The following SLC12A9 variants were observed in gnomAD, a reference collection of about 807,000 sequenced individuals.
The protein encoded by SLC12A9 is CCC-interacting protein 1.
Under a neutral mutation model 66.0 loss-of-function variants are expected in SLC12A9, and 55 were observed. The observed-to-expected ratio is 0.83, with a 90% CI of 0.67 to 1.04. SLC12A9 has a LOEUF of 1.04. Ranked by LOEUF, SLC12A9 falls within the 50% of genes least tolerant of loss-of-function variation. The pLI is 0.00. For missense variants in SLC12A9, 1,061 were observed against 1,241.9 expected (o/e 0.85, Z 2.19); for synonymous variants, 577 against 569.0 (o/e 1.01, Z -0.20).
intron 1 of SLC12A9, among the ~76,000 whole-genome samples, chr7:100,829,289 G>A (rs1813495961): frequency 1.3e-5 from 2 of 152,050 alleles, no homozygotes; most frequent in African/African-American, 2.4e-5. Flanking sequence ...CGCCCAGCCG[G>A]AGGACAGAAT....
intron 1 of SLC12A9, among the ~76,000 whole-genome samples, chr7:100,829,024 A>G (rs981977235): frequency 5.4e-5 from 8 of 147,142 alleles, no homozygotes; most frequent in African/African-American, 7.6e-5. Flanking sequence ...GTCTCCCTCT[A>G]TTTCCCAGGC....
At chr7:100,865,239 T>C (rs1267048447) in intron 13 of SLC12A9, 1 of 1,535,348 alleles carries the variant, frequency 6.5e-7, no homozygotes, top group Non-Finnish European at 8.7e-7. Flanking sequence ...ATTACAGGTG[T>C]GAGCCACGGT....
intron 3 of SLC12A9, 22 bp downstream of exon 3, chr7:100,854,776 C>T: frequency 6.2e-7 from 1 of 1,613,380 alleles, no homozygotes; most frequent in Non-Finnish European, 8.5e-7. Flanking sequence ...CATCGATGGA[C>T]TGGGGTCTGG....
chr7:100,865,318 G>C, intron 13 of SLC12A9: 3 of 1,535,844 alleles, frequency 2.0e-6, no homozygotes, highest in Non-Finnish European at 2.6e-6. Flanking sequence ...GGGGATTCAG[G>C]TCATGAGCTT....
chr7:100,862,631 A>T (rs745435715), intron 12 of SLC12A9, 50 bp from the exon 13 acceptor site: 1 of 1,606,176 alleles, frequency 6.2e-7, no homozygotes, highest in Admixed American at 1.7e-5. Context: ...TCTAGGAGAC[A>T]TTGAGTTTGG....
chr7:100,837,013 G>A (rs1813674484), intron 1 of SLC12A9, among the ~76,000 whole-genome samples: 1 of 152,154 alleles, frequency 6.6e-6, no homozygotes, highest in Non-Finnish European at 1.5e-5. Flanking sequence ...TGAGGGCTGG[G>A]GGAACACTCT....
At chr7:100,853,652 C>T (rs1477489408) in intron 1 of SLC12A9, among the ~76,000 whole-genome samples, 1 of 151,828 alleles carries the variant, frequency 6.6e-6, no homozygotes, top group African/African-American at 2.4e-5. Context: ...CCCTACGCCT[C>T]CAGGACTCAA....
At chr7:100,860,983 C>T (rs1195233800) in intron 9 of SLC12A9, 155 bp from the exon 10 acceptor site, 1 of 1,357,726 alleles carries the variant, frequency 7.4e-7, no homozygotes, top group East Asian at 2.3e-5. Context: ...GGTTCATTGA[C>T]ACTTTGGGGG....
upstream of SLC12A9, among the ~76,000 whole-genome samples, chr7:100,852,106 T>C (rs73172613): frequency 7.2e-5 from 11 of 152,262 alleles, no homozygotes; most frequent in Non-Finnish European, 1.6e-4. Flanking sequence ...TCATAGGCTC[T>C]AGGATTTCTG....
chr7:100,831,208 C>T (rs921630998), intron 1 of SLC12A9, among the ~76,000 whole-genome samples: 22 of 152,096 alleles, frequency 1.4e-4, no homozygotes, highest in African/African-American at 3.1e-4. Context: ...TTTTTGGAGA[C>T]GGCGTTTCAC....
At chr7:100,865,558 C>T in intron 13 of SLC12A9, 161 bp from the exon 14 acceptor site, 1 of 1,585,218 alleles carries the variant, frequency 6.3e-7, no homozygotes, top group Non-Finnish European at 8.6e-7. Flanking sequence ...AATGAAAAGT[C>T]TTTATGCAAA....
At chr7:100,845,294 C>T (rs1425692902) in intron 1 of SLC12A9, among the ~76,000 whole-genome samples, 1 of 150,294 alleles carries the variant, frequency 6.7e-6, no homozygotes, top group Non-Finnish European at 1.5e-5. Context: ...AGAGCCTACG[C>T]TAGGCTGCCT....
chr7:100,834,089 TGTG>T (rs1301278791), intron 1 of SLC12A9, among the ~76,000 whole-genome samples: 2 of 152,008 alleles, frequency 1.3e-5, no homozygotes, highest in Admixed American at 6.6e-5. Flanking sequence ...CAGCCTAACT[TGTG>T]GTGCACAGAG....
chr7:100,833,957 A>C (rs866957448), intron 1 of SLC12A9, among the ~76,000 whole-genome samples: 36 of 150,652 alleles, frequency 2.4e-4, no homozygotes, highest in Middle Eastern at 6.8e-3. Flanking sequence ...AAAAAAAAAA[A>C]AAAAGAAAGA....
At chr7:100,859,760 C>T in intron 7 of SLC12A9, 125 bp from the exon 8 acceptor site, 2 of 1,173,348 alleles carry the variant, frequency 1.7e-6, no homozygotes, top group Non-Finnish European at 2.4e-6. Context: ...CAAGGCTGCC[C>T]AATGAATACC....
Position 100,857,113 on chromosome 7 carries a change from C to G in SLC12A9, c.694C>G (p.Leu232Val), listed in dbSNP as rs1814443263. The G allele has an allele frequency of 3.7e-6, 6 of 1,614,106 alleles. No individual in the cohort carries two copies. The African/African-American group carries it at 8.0e-5, about 22-fold the overall frequency. ...TPRPGPNGSSLPPRFGHFTGF... is the reference protein window; with the variant it reads ...TPRPGPNGSSVPPRFGHFTGF... ...TAGGCCTGGCCCCAATGGCTCCTCC[C>G]TGCCGCCCCGGTTTGGCCACTTCAC... The change falls in exon 5 of 14, where the codon CTG becomes GTG. Residue 232 changes from leucine (L) to valine (V), a missense_variant. By Grantham distance (32) the Leu-to-Val change is conservative. Coordinates refer to ENST00000354161, the MANE Select transcript of SLC12A9 (RefSeq NM_020246.4).
Position 100,865,725 on chromosome 7 carries a change from T to C in SLC12A9, c.1865T>C (p.Met622Thr), listed in dbSNP as rs759067138. The change falls in exon 14 of 14, where the codon ATG (methionine) becomes ACG (threonine). Residue 622 changes from methionine (M) to threonine (T), a missense_variant. By Grantham distance (81) the Met-to-Thr change is moderately conservative (BLOSUM62 -1). Transcript: ENST00000354161. Reference protein sequence around the residue: ...HLLRISGLGGMKPNTLVLGFY... With the variant: ...HLLRISGLGGTKPNTLVLGFY... ...TTCCCCGCTCTGCCCCCAGGTGGCA[T>C]GAAGCCCAACACGTTGGTCCTAGGT... 1.2e-6 allele frequency: 2 copies of C among 1,606,566 alleles called. No individual in the cohort carries two copies. Among genetic ancestry groups the C allele is most frequent in the Admixed American group, 3.4e-5 (2 of 59,312 alleles).
At chr7:100,857,425 A>G (rs114118472) in intron 5 of SLC12A9, 213 of 558,668 alleles carry the variant, frequency 3.8e-4, no homozygotes, top group African/African-American at 3.8e-3. Flanking sequence ...ACATGCATTC[A>G]GGAATCAGTT....
chr7:100,826,965 G>A (rs2304374), exon 1 of SLC12A9: 10 of 1,213,438 alleles, frequency 8.2e-6, no homozygotes, highest in South Asian at 4.7e-5. Context: ...GCCCCCCCCC[G>A]CAAGGAAACT....
Sources: gnomAD v4.1 joint callset for allele counts (sites outside exome capture counted in the v4.1 genomes callset) on GRCh38, gnomAD v4.1.1 for gene constraint, MANE v1.5 for transcripts, NCBI Gene and HGNC (gene_info 2026-07-23, HGNC 2026-07-21) for gene names.